PRKN: variants seen among roughly 807,000 people sequenced by gnomAD.
PRKN encodes the protein E3 ubiquitin-protein ligase parkin.
Under a neutral mutation model 59.5 loss-of-function variants are expected in PRKN, and 56 were observed. The ratio of observed to expected loss-of-function variants is 0.94; its 90% confidence interval spans 0.76 to 1.18. The LOEUF (loss-of-function observed/expected upper bound fraction) is 1.18, where lower values mean the gene tolerates loss of function less well. Among genes scored for constraint, PRKN ranks in the 50% most tolerant of loss-of-function variants. The probability of loss-of-function intolerance (pLI) is 0.00; values close to 1 mark genes in which losing one functional copy is unlikely to be tolerated. For missense variants in PRKN, 657 were observed against 596.4 expected (o/e 1.10, Z -1.06); for synonymous variants, 250 against 222.1 (o/e 1.13, Z -1.12).
chr6:161,912,867 T>C (rs554470436), intron 6 of PRKN, among the ~76,000 whole-genome samples: 7 of 152,210 alleles, frequency 4.6e-5, no homozygotes, highest in East Asian at 1.9e-4. Context: ...AAAAGTAATA[T>C]GTTATTTTGT....
At chr6:162,431,514 C>T (rs1486533220) in intron 2 of PRKN, among the ~76,000 whole-genome samples, 2 of 151,788 alleles carry the variant, frequency 1.3e-5, no homozygotes, top group Admixed American at 6.6e-5. Flanking sequence ...GCCAAGATCG[C>T]GCCACTGCAC....
At chr6:162,453,495 A>T (rs1396178669) in intron 1 of PRKN, among the ~76,000 whole-genome samples, 1 of 152,156 alleles carries the variant, frequency 6.6e-6, no homozygotes, top group African/African-American at 2.4e-5. Flanking sequence ...AAGACCATGG[A>T]TGTTAGAACC....
At chr6:161,655,437 C>A (rs1784309548) in intron 7 of PRKN, among the ~76,000 whole-genome samples, 1 of 152,050 alleles carries the variant, frequency 6.6e-6, no homozygotes, top group Non-Finnish European at 1.5e-5. Context: ...CCACCATTGG[C>A]ACGGGCCTGG....
chr6:162,344,359 AACTATCAC>A (rs1437642526), intron 2 of PRKN, among the ~76,000 whole-genome samples: 10 of 152,284 alleles, frequency 6.6e-5, no homozygotes, highest in African/African-American at 2.4e-4. Flanking sequence ...TCACTTAGCA[AACTATCAC>A]ACTGTGGTGA....
intron 1 of PRKN, among the ~76,000 whole-genome samples, chr6:162,499,145 A>C (rs528751234): frequency 6.6e-6 from 1 of 152,046 alleles, no homozygotes; most frequent in African/African-American, 2.4e-5. Context: ...TCCCTGTCTT[A>C]TCTCTCATCA....
At chr6:162,536,305 T>C (rs1359439275) in intron 1 of PRKN, among the ~76,000 whole-genome samples, 1 of 152,150 alleles carries the variant, frequency 6.6e-6, no homozygotes, top group East Asian at 1.9e-4. Flanking sequence ...CAGAAGGTGT[T>C]ATTTTCTATT....
chr6:162,717,088 C>A (rs1778758990), intron 1 of PRKN, among the ~76,000 whole-genome samples: 1 of 152,098 alleles, frequency 6.6e-6, no homozygotes, highest in South Asian at 2.1e-4. Context: ...CCCATGTGTT[C>A]TTTTAAGAGG....
intron 7 of PRKN, among the ~76,000 whole-genome samples, chr6:161,750,096 G>T (rs1484636427): frequency 1.0e-5 from 1 of 98,388 alleles, no homozygotes. Context: ...GCACACATAG[G>T]ACATATATAT....
At chr6:162,654,688 T>A (rs995494476) in intron 1 of PRKN, among the ~76,000 whole-genome samples, 1 of 152,204 alleles carries the variant, frequency 6.6e-6, no homozygotes, top group South Asian at 2.1e-4. Context: ...AGTGGAGACA[T>A]ACCTGAGACT....
intron 4 of PRKN, among the ~76,000 whole-genome samples, chr6:162,160,906 A>G (rs200333066): frequency 4.6e-5 from 6 of 131,458 alleles, no homozygotes; most frequent in Non-Finnish European, 9.4e-5. Context: ...AAAAAAAAAA[A>G]AAAAAAAAAA....
rs1752747503 is a variant in PRKN, at chr6:161,444,028, C to T, written c.1084-57151G>A. ...CAGTGTGCACGAACTAACTAGGAGGCGCCAGGCTTAGGCCTTAGGCAGACA... is the reference window on the plus strand; with the variant it reads ...CAGTGTGCACGAACTAACTAGGAGGTGCCAGGCTTAGGCCTTAGGCAGACA... On this transcript the variant is annotated intron_variant, in intron 9 of 11. Transcript: ENST00000366898. The surrounding 1 kb of genome is among the most constrained non-coding windows in gnomAD (Gnocchi z 5.6). Among the ~76,000 whole-genome samples the T allele has an allele frequency of 6.6e-6, 1 of 152,292 alleles. No homozygotes were observed. The highest frequency in any genetic ancestry group is 2.1e-4 in the South Asian group (1 of 4,828).
At chr6:161,717,820 T>A (rs966030666) in intron 7 of PRKN, among the ~76,000 whole-genome samples, 4 of 152,178 alleles carry the variant, frequency 2.6e-5, no homozygotes, top group African/African-American at 9.6e-5. Flanking sequence ...GGATCCTGCC[T>A]GAGAGTTTTG....
rs1312718879 is a variant in PRKN at position 161,554,734 on chromosome 6, GTATA to G, written c.934-5735_934-5732del. On this transcript the variant is annotated intron_variant, in intron 8 of 11. Transcript: ENST00000366898. This position sits in a 1 kb window ranked among gnomAD's most constrained non-coding sequence, Gnocchi z 4.5. ...GGATTGTGTGTGTGTGTGTGTGTGT[GTATA>G]TATATATATATATATACATACACAC... 3.5e-5 allele frequency among the ~76,000 whole-genome samples: 5 copies of G among 140,956 alleles called. No individual in the cohort carries two copies. The highest frequency in any genetic ancestry group is 1.3e-4 in the African/African-American group (5 of 37,712). The allele number at this position is 140,956 out of a possible 152,430, so 92.5% of individuals were successfully genotyped here. A position where few individuals can be genotyped will look rare whatever the true frequency, so the allele number is the denominator to read the frequency against.
At chr6:162,217,844 C>A (rs1469846528) in intron 3 of PRKN, among the ~76,000 whole-genome samples, 1 of 152,164 alleles carries the variant, frequency 6.6e-6, no homozygotes, top group Non-Finnish European at 1.5e-5. Context: ...AATAAGTAAG[C>A]AATATTCACC....
intron 1 of PRKN, among the ~76,000 whole-genome samples, chr6:162,498,928 A>G (rs539095435): frequency 4.3e-4 from 65 of 152,278 alleles, no homozygotes; most frequent in Admixed American, 3.2e-3. Context: ...TGAAAAAACA[A>G]GCATGTTCAT....
At chr6:162,102,770 G>A (rs1225727661) in intron 4 of PRKN, among the ~76,000 whole-genome samples, 14 of 144,106 alleles carry the variant, frequency 9.7e-5, no homozygotes, top group East Asian at 1.9e-4. Flanking sequence ...TTGCCCGGGC[G>A]CGGTGGCTCA....
chr6:161,789,876 A>G (rs1345398962), intron 6 of PRKN, among the ~76,000 whole-genome samples: 1 of 152,140 alleles, frequency 6.6e-6, no homozygotes, highest in East Asian at 1.9e-4. Context: ...AGTTTCTCAT[A>G]CTTTTATAAT....
At chr6:162,363,632 G>A (rs1312331756) in intron 2 of PRKN, among the ~76,000 whole-genome samples, 1 of 151,914 alleles carries the variant, frequency 6.6e-6, no homozygotes, top group East Asian at 1.9e-4. Context: ...TTACTATTAT[G>A]CCTTCAGTTA....
intron 1 of PRKN, among the ~76,000 whole-genome samples, chr6:162,710,786 G>A (rs1204868876): frequency 6.6e-6 from 1 of 152,078 alleles, no homozygotes; most frequent in African/African-American, 2.4e-5. Context: ...AAAAGCAGCT[G>A]TTATCCTGCA....
Sources: allele counts gnomAD v4.1 joint callset (sites outside exome capture counted in the v4.1 genomes callset), GRCh38; gene constraint gnomAD v4.1.1; non-coding constraint Gnocchi (gnomAD v3.1); transcripts MANE v1.5; gene names NCBI Gene and HGNC (gene_info 2026-07-23, HGNC 2026-07-21).